CDH23: variants seen among roughly 807,000 people sequenced by gnomAD.
The protein encoded by CDH23 is cadherin-23.
CDH23 carries 189 observed loss-of-function variants against 317.1 expected under a neutral mutation model. The ratio of observed to expected loss-of-function variants is 0.60; its 90% CI spans 0.53 to 0.67. The LOEUF (loss-of-function observed/expected upper bound fraction) is 0.67. Among genes scored for constraint, CDH23 ranks in the 30% least tolerant of loss-of-function variants. The probability of loss-of-function intolerance (pLI) is 0.00; values close to 1 mark genes in which losing one functional copy is unlikely to be tolerated. For synonymous variants in CDH23, 1,839 were observed against 1,876.8 expected (o/e 0.98, Z 0.52); for missense variants, 4,401 against 4,592.4 (o/e 0.96, Z 1.20).
In CDH23 at chr10:71,518,742, A is replaced by G. The variant is rs185696152; in HGVS notation, c.429+7530A>G. 6.6e-5 allele frequency among the ~76,000 whole-genome samples: 10 copies of G among 152,304 alleles called. No homozygotes were observed. The East Asian group carries it at 1.9e-3, about 29-fold the overall frequency. On this transcript the variant is annotated intron_variant, in intron 6 of 69. Coordinates refer to ENST00000224721, the MANE Select transcript of CDH23 (RefSeq NM_022124.6). The stretch of plus-strand genomic sequence containing the variant: ...CTCCCCTTGCCTGCAGGGAAGATTC[A>G]ACATTTTCTGCCACCTCTTTCTGGT...
chr10:71,657,410 C>T (rs1195849854), intron 14 of CDH23, among the ~76,000 whole-genome samples: 1 of 152,244 alleles, frequency 6.6e-6, no homozygotes, highest in African/African-American at 2.4e-5. Flanking sequence ...GTCAGACCTC[C>T]AGGGTTCTCC....
intron 3 of CDH23, among the ~76,000 whole-genome samples, chr10:71,505,042 A>G (rs1853558039): frequency 6.6e-6 from 1 of 152,208 alleles, no homozygotes; most frequent in Non-Finnish European, 1.5e-5. Context: ...GTTCCAATGT[A>G]CCGTCTTAAA....
At chr10:71,782,767 A>C (rs1163422841) in intron 41 of CDH23, among the ~76,000 whole-genome samples, 5 of 152,232 alleles carry the variant, frequency 3.3e-5, no homozygotes, top group African/African-American at 1.2e-4. Context: ...GGGAATCCCC[A>C]GTTCTTTGGA....
In CDH23 at chr10:71,704,893, G is replaced by T. The variant is rs1865719781; in HGVS notation, c.2734-18G>T. ...AGTGTCCCCTCCCCACCCTCATGCT[G>T]CCCCTCCTTGCCCTCAGGTGGTGGC... On this transcript the variant is annotated intron_variant, in intron 24 of 69. Coordinates refer to ENST00000224721, the MANE Select transcript of CDH23 (RefSeq NM_022124.6). 8 of 1,595,634 alleles carry T rather than the reference G, an allele frequency of 5.0e-6. No individual in the cohort carries two copies. The highest frequency in any genetic ancestry group is 1.7e-4 in the Middle Eastern group (1 of 6,014).
intron 68 of CDH23, 45 bp from the exon 69 acceptor site, chr10:71,813,199 G>A: frequency 6.6e-7 from 1 of 1,518,092 alleles, no homozygotes; most frequent in Non-Finnish European, 8.9e-7. Flanking sequence ...GGGCGGGGCA[G>A]GCAGGGGAGG....
chr10:71,549,383 C>A (rs1765225457), intron 6 of CDH23, among the ~76,000 whole-genome samples: 1 of 152,214 alleles, frequency 6.6e-6, no homozygotes, highest in South Asian at 2.1e-4. Context: ...GCATAGAGTC[C>A]CAGCCTGTGG....
intron 14 of CDH23, among the ~76,000 whole-genome samples, chr10:71,667,118 G>A (rs987577031): frequency 3.9e-5 from 6 of 152,230 alleles, no homozygotes; most frequent in Non-Finnish European, 5.9e-5. Context: ...GGGCTGCTGC[G>A]GAGGCAGCTG....
intron 27 of CDH23, chr10:71,712,440 G>A: frequency 5.6e-6 from 3 of 538,750 alleles, no homozygotes; most frequent in South Asian, 4.9e-5. Context: ...GTTGCTGTGA[G>A]GACTGAATGG....
chr10:71,558,097 A>G (rs1312295448), intron 6 of CDH23, among the ~76,000 whole-genome samples: 2 of 150,276 alleles, frequency 1.3e-5, no homozygotes, highest in Non-Finnish European at 3.0e-5. Context: ...TCCTGGGTTC[A>G]AGCGTTTCTC....
intron 7 of CDH23, 123 bp from the exon 8 acceptor site, chr10:71,570,667 T>C (rs1436223655): frequency 6.7e-6 from 7 of 1,051,344 alleles, no homozygotes; most frequent in East Asian, 2.7e-5. Flanking sequence ...GGTGTGTGTG[T>C]GCGTGTGCAT....
chr10:71,755,905 T>C (rs6480552), intron 38 of CDH23, among the ~76,000 whole-genome samples: 50,412 of 152,042 alleles, frequency 0.33, 8,548 homozygotes, highest in Non-Finnish European at 0.38. Context: ...CGGTTGCACA[T>C]TGTGAATGTA....
At chr10:71,634,701 G>A (rs1056589490) in intron 11 of CDH23, among the ~76,000 whole-genome samples, 2 of 152,236 alleles carry the variant, frequency 1.3e-5, no homozygotes, top group East Asian at 1.9e-4. Context: ...GTGTCCTTGA[G>A]TTAAGAACTC....
chr10:71,663,955 C>A (rs1282953458), intron 14 of CDH23, among the ~76,000 whole-genome samples: 1 of 151,190 alleles, frequency 6.6e-6, no homozygotes, highest in Non-Finnish European at 1.5e-5. Context: ...GAACCAAGAT[C>A]GTGCCACTGC....
At chr10:71,687,844 C>A in intron 19 of CDH23, 125 bp downstream of exon 19, 1 of 868,814 alleles carries the variant, frequency 1.2e-6, no homozygotes, top group Non-Finnish European at 1.9e-6. Flanking sequence ...TCTCTTTCCC[C>A]GGCCAAGCTC....
At chr10:71,768,397 C>T (rs556916133) in intron 38 of CDH23, among the ~76,000 whole-genome samples, 4 of 152,224 alleles carry the variant, frequency 2.6e-5, no homozygotes, top group South Asian at 4.1e-4. Context: ...TCTTGAACTC[C>T]TGACCTCATG....
intron 38 of CDH23, among the ~76,000 whole-genome samples, chr10:71,775,746 A>G (rs1455696376): frequency 6.6e-6 from 1 of 152,190 alleles, no homozygotes. Flanking sequence ...CAGCCCCTGC[A>G]GCCTGCACAC....
intron 11 of CDH23, among the ~76,000 whole-genome samples, chr10:71,623,519 G>T (rs1027587950): frequency 2.0e-5 from 3 of 152,218 alleles, no homozygotes; most frequent in Non-Finnish European, 4.4e-5. Context: ...GGAAGCCAGG[G>T]AGCTGATGTG....
chr10:71,701,106 C>G (rs74147030), intron 22 of CDH23, among the ~76,000 whole-genome samples: 3,445 of 152,238 alleles, frequency 0.023, 149 homozygotes, highest in African/African-American at 0.079. Flanking sequence ...AATGCAGGGT[C>G]GGGGGTGAGC....
At chr10:71,427,245 GGGAA>G (rs1267751250) in intron 1 of CDH23, among the ~76,000 whole-genome samples, 5 of 25,510 alleles carry the variant, frequency 2.0e-4, no homozygotes, top group African/African-American at 6.3e-4. Flanking sequence ...AAGAAAGAAA[GGGAA>G]AGAAAGAAAG....
Sources: gnomAD v4.1 joint callset for allele counts (sites outside exome capture counted in the v4.1 genomes callset) on GRCh38, gnomAD v4.1.1 for gene constraint, MANE v1.5 for transcripts, NCBI Gene and HGNC (gene_info 2026-07-23, HGNC 2026-07-21) for gene names.